PDLIM2: variants seen among roughly 807,000 people sequenced by gnomAD.
PDLIM2 encodes PDZ and LIM domain protein 2.
PDLIM2 carries 51 observed loss-of-function variants against 54.1 expected under a neutral mutation model. The observed-to-expected ratio is 0.94, with a 90% CI of 0.75 to 1.19. The LOEUF is 1.19. Ranked by LOEUF, PDLIM2 falls within the 50% of genes most tolerant of loss-of-function variation. PDLIM2 has a pLI of 0.00. For missense variants in PDLIM2, 912 were observed against 874.0 expected (o/e 1.04, Z -0.55); for synonymous variants, 398 against 385.6 (o/e 1.03, Z -0.38).
Position 22,585,405 on chromosome 8 carries a change from GCT to G in PDLIM2, c.1290+8_1290+9del, listed in dbSNP as rs1205766955. On this transcript the variant is annotated splice_region_variant and intron_variant, in intron 6 of 9. Coordinates refer to ENST00000308354, the Ensembl canonical transcript of PDLIM2. ...GCCGCCCTGGAAGCCGACAGGTGAGGCTCCCTGGGGGAGGACAGGCTGGAGGA... is the reference window on the plus strand; with the variant it reads ...GCCGCCCTGGAAGCCGACAGGTGAGGCCCTGGGGGAGGACAGGCTGGAGGA... 2 of 1,605,072 alleles carry G rather than the reference GCT, an allele frequency of 1.2e-6. No individual in the cohort carries two copies. Among genetic ancestry groups the G allele is most frequent in the African/African-American group, 2.7e-5 (2 of 74,776 alleles).
At chr8:22,581,996 G>C (rs1219838882) in intron 3 of PDLIM2, among the ~76,000 whole-genome samples, 1 of 152,242 alleles carries the variant, frequency 6.6e-6, no homozygotes, top group Non-Finnish European at 1.5e-5. Flanking sequence ...CATAGAGGCT[G>C]TCTGTTCCTC....
Position 22,585,264 on chromosome 8 carries a change from C to T in PDLIM2, c.1212-57C>T, listed in dbSNP as rs542531804. ...TCTGCTTGGGAGCCCGGGGCAGCATCCTCCCTGGGCAGGCTGGGGGTGGCC... is the reference window on the plus strand; with the variant it reads ...TCTGCTTGGGAGCCCGGGGCAGCATTCTCCCTGGGCAGGCTGGGGGTGGCC... On this transcript the variant is annotated intron_variant, in intron 5 of 9. Transcript: ENST00000308354. The T allele has an allele frequency of 7.4e-5, 119 of 1,601,334 alleles. No individual in the cohort carries two copies. In the East Asian group the frequency reaches 2.6e-3, roughly 34 times the overall value.
At chr8:22,580,094 GC>G in intron 1 of PDLIM2, 1 of 221,466 alleles carries the variant, frequency 4.5e-6, no homozygotes, top group Non-Finnish European at 9.2e-6. Context: ...CTGTACTGGT[GC>G]CAGCCTGTTC....
At chr8:22,597,981 G>C (rs1800715398), downstream of PDLIM2, 1 of 152,308 alleles carries the variant, frequency 6.6e-6, no homozygotes, top group African/African-American at 2.4e-5. Context: ...CGCAGAGATT[G>C]GCTGTGGGCC....
chr8:22,585,159 G>C, exon 5 of PDLIM2: 1 of 1,613,124 alleles, frequency 6.2e-7, no homozygotes, highest in Non-Finnish European at 8.5e-7. Context: ...GCCATCAGCC[G>C]CAGGTGAGTG....
chr8:22,581,029 C>A (rs576653253), intron 2 of PDLIM2: 8 of 658,496 alleles, frequency 1.2e-5, no homozygotes, highest in Non-Finnish European at 2.3e-5. Context: ...TTGACCTGGG[C>A]CCAGGCTGGG....
At chr8:22,584,094 C>G (rs11779381) in intron 3 of PDLIM2, among the ~76,000 whole-genome samples, 2 of 151,828 alleles carry the variant, frequency 1.3e-5, no homozygotes, top group Non-Finnish European at 2.9e-5. Flanking sequence ...CTCTGCCTCC[C>G]TGGGTCAAGC....
At chr8:22,578,848 G>C in exon 1 of PDLIM2, 1 of 1,234,608 alleles carries the variant, frequency 8.1e-7, no homozygotes, top group Non-Finnish European at 1.0e-6. Context: ...CGTCTGCGAA[G>C]TGGGGCGCGG....
exon 7 of PDLIM2, chr8:22,589,353 G>A (rs1403355710): frequency 1.3e-6 from 2 of 1,534,840 alleles, no homozygotes; most frequent in South Asian, 1.2e-5. Context: ...CCTTCCCCGG[G>A]CCCTCGTTCC....
downstream of PDLIM2, chr8:22,594,582 G>A: frequency 6.2e-7 from 1 of 1,614,080 alleles, no homozygotes; most frequent in Non-Finnish European, 8.5e-7. Context: ...GCTTTGGAGG[G>A]GATGGTGGAG....
chr8:22,586,133 T>C (rs1227361687), intron 6 of PDLIM2, among the ~76,000 whole-genome samples: 3 of 152,154 alleles, frequency 2.0e-5, no homozygotes, highest in African/African-American at 7.2e-5. Flanking sequence ...TGCTGAGCCC[T>C]ACCTTTGGGT....
exon 1 of PDLIM2, chr8:22,579,267 C>T (rs1367543271): frequency 2.2e-6 from 3 of 1,361,864 alleles, no homozygotes; most frequent in Non-Finnish European, 2.8e-6. Context: ...CCCGCCCTCC[C>T]CGGCGCCGGG....
exon 1 of PDLIM2, chr8:22,579,055 TAGGGGCGGCGGC>T: frequency 1.6e-6 from 2 of 1,248,826 alleles, no homozygotes; most frequent in Non-Finnish European, 2.0e-6. Flanking sequence ...CTTCTCGGGC[TAGGGGCGGCGGC>T]AGGGGCGGCC....
chr8:22,589,198 C>T (rs1423398434), intron 6 of PDLIM2, 100 bp from the exon 6 acceptor site: 16 of 1,316,154 alleles, frequency 1.2e-5, no homozygotes, highest in Non-Finnish European at 1.7e-5. Flanking sequence ...GGCCGGGGGC[C>T]CCCTGGTGTC....
At chr8:22,594,444 G>T, downstream of PDLIM2, 31 of 1,606,180 alleles carry the variant, frequency 1.9e-5, no homozygotes, top group South Asian at 3.4e-4. Flanking sequence ...GCCTGCACCT[G>T]ACATTTCCCA....
intron 9 of PDLIM2, 119 bp from the exon 9 acceptor site, chr8:22,593,614 T>C (rs1586931283): frequency 3.1e-6 from 2 of 649,492 alleles, no homozygotes; most frequent in East Asian, 3.3e-5. Flanking sequence ...GTCTAGTCTC[T>C]GAGAAGGCTT....
intron 3 of PDLIM2, among the ~76,000 whole-genome samples, chr8:22,584,015 C>T (rs528470343): frequency 7.2e-5 from 11 of 151,742 alleles, no homozygotes; most frequent in South Asian, 4.2e-4. Context: ...TTGTTACTGT[C>T]GTTTGAGATG....
chr8:22,584,402 G>A lies in PDLIM2; in HGVS notation c.996-419G>A, dbSNP rs373259911. Among the ~76,000 whole-genome samples the A allele has an allele frequency of 9.9e-5, 15 of 151,778 alleles. No homozygotes were observed. In the South Asian group the frequency reaches 1.5e-3, roughly 15 times the overall value. The stretch of plus-strand genomic sequence containing the variant: ...CGGCTCACTACAACCTCCATCTCCT[G>A]GGCTCAAGCGATCCTCCCACCTCAA... On this transcript the variant is annotated intron_variant, in intron 3 of 9. Coordinates refer to ENST00000308354, the Ensembl canonical transcript of PDLIM2.
At chr8:22,590,062 G>C (rs1800498463) in intron 8 of PDLIM2, 1 of 366,528 alleles carries the variant, frequency 2.7e-6, no homozygotes. Context: ...GAGGAAGAGG[G>C]ATTTGACTTG....
Sources: allele counts gnomAD v4.1 joint callset (sites outside exome capture counted in the v4.1 genomes callset), GRCh38; gene constraint gnomAD v4.1.1; transcripts MANE v1.5; gene names NCBI Gene and HGNC (gene_info 2026-07-23, HGNC 2026-07-21).